PPP2R5A: variants seen among roughly 807,000 people sequenced by gnomAD.
PPP2R5A encodes the protein protein phosphatase 2 regulatory subunit B'alpha.
A neutral mutation model predicts 64.2 loss-of-function variants in PPP2R5A; 25 were observed. That is an observed-to-expected ratio of 0.39 (90% CI 0.28 to 0.54). The LOEUF is 0.54. Ranked by LOEUF, PPP2R5A falls within the 20% of genes least tolerant of loss-of-function variation. The probability of loss-of-function intolerance (pLI) is 0.67; values close to 1 mark genes in which losing one functional copy is unlikely to be tolerated. For synonymous variants in PPP2R5A, 198 were observed against 201.2 expected (o/e 0.98, Z 0.13); for missense variants, 425 against 576.3 (o/e 0.74, Z 2.69).
chr1:212,331,638 T>C (rs1308675021), intron 2 of PPP2R5A: 2 of 152,144 alleles, frequency 1.3e-5, no homozygotes, highest in African/African-American at 2.4e-5. Flanking sequence ...GAAAAAGCAG[T>C]ATTTCCTACT....
At chr1:212,320,725 G>T (rs1448885538) in intron 1 of PPP2R5A, among the ~76,000 whole-genome samples, 7 of 140,362 alleles carry the variant, frequency 5.0e-5, no homozygotes, top group Admixed American at 1.4e-4. Flanking sequence ...CGGCTGGCCG[G>T]GCAGAGGGGC....
intron 1 of PPP2R5A, among the ~76,000 whole-genome samples, chr1:212,300,178 G>A (rs903199215): frequency 1.2e-4 from 19 of 152,076 alleles, no homozygotes; most frequent in African/African-American, 2.2e-4. Flanking sequence ...CCTAGCTGCC[G>A]TATATCTAGT....
chr1:212,327,755 A>G (rs1558148644), intron 1 of PPP2R5A, among the ~76,000 whole-genome samples: 1 of 151,964 alleles, frequency 6.6e-6, no homozygotes, highest in Non-Finnish European at 1.5e-5. Flanking sequence ...TGTATTAGAT[A>G]CTAGAAAGAG....
chr1:212,292,508 T>C (rs1271952608), intron 1 of PPP2R5A, among the ~76,000 whole-genome samples: 2 of 152,184 alleles, frequency 1.3e-5, no homozygotes, highest in African/African-American at 2.4e-5. Context: ...CCCTTTAGAT[T>C]GTGCTGCTTT....
At chr1:212,314,503 C>G (rs947629356) in intron 1 of PPP2R5A, among the ~76,000 whole-genome samples, 1 of 151,710 alleles carries the variant, frequency 6.6e-6, no homozygotes, top group Non-Finnish European at 1.5e-5. Context: ...CTCAAGCAGT[C>G]CTCCCACTTC....
At chr1:212,342,787 A>G (rs751584557) in intron 4 of PPP2R5A, among the ~76,000 whole-genome samples, 2 of 152,022 alleles carry the variant, frequency 1.3e-5, no homozygotes, top group Non-Finnish European at 2.9e-5. Flanking sequence ...CCCAATTCCT[A>G]AACCACAGAT....
At chr1:212,306,826 C>T (rs1440421410) in intron 1 of PPP2R5A, 1 of 151,826 alleles carries the variant, frequency 6.6e-6, no homozygotes, top group Non-Finnish European at 1.5e-5. Context: ...GGCGCGATCT[C>T]CACTCACTGC....
intron 3 of PPP2R5A, among the ~76,000 whole-genome samples, chr1:212,337,966 G>A (rs903816393): frequency 6.6e-6 from 1 of 151,864 alleles, no homozygotes; most frequent in East Asian, 1.9e-4. Flanking sequence ...CCTTATTTAC[G>A]TTTCCTCTTA....
At chr1:212,337,740 T>C (rs1659614130) in intron 3 of PPP2R5A, among the ~76,000 whole-genome samples, 1 of 152,140 alleles carries the variant, frequency 6.6e-6, no homozygotes, top group African/African-American at 2.4e-5. Flanking sequence ...GGAAAAAACC[T>C]AGGCTCCCTG....
intron 2 of PPP2R5A, among the ~76,000 whole-genome samples, chr1:212,331,121 T>C (rs1030443490): frequency 8.7e-5 from 13 of 149,442 alleles, no homozygotes; most frequent in African/African-American, 2.5e-4. Flanking sequence ...TGGGCCAAGA[T>C]TGTGCCACTG....
rs370307816 is a variant in PPP2R5A, at chr1:212,345,971, C to T, written c.704+38C>T. 21 of 1,521,276 alleles carry T rather than the reference C, an allele frequency of 1.4e-5. No homozygotes were observed. The African/African-American group carries it at 2.7e-4, about 19-fold the overall frequency. The allele number at this position is 1,521,276 out of a possible 1,614,324, so 94.2% of individuals were successfully genotyped here. ...TTTATTGTATATTGCACCTTTTCCT[C>T]CTACATATCTTCTTGTATTCAAGTT... On this transcript the variant is annotated intron_variant, in intron 5 of 12. Coordinates refer to ENST00000261461, the MANE Select transcript of PPP2R5A (RefSeq NM_006243.4).
chr1:212,351,113 A>C (rs575436723), intron 8 of PPP2R5A, among the ~76,000 whole-genome samples: 10,349 of 144,644 alleles, frequency 0.072, 1,166 homozygotes, highest in African/African-American at 0.24. Context: ...AAAAAAAAAA[A>C]CAAAAAAACA....
chr1:212,340,780 T>G (rs1037397838), intron 3 of PPP2R5A, among the ~76,000 whole-genome samples: 10 of 152,192 alleles, frequency 6.6e-5, no homozygotes, highest in African/African-American at 2.4e-4. Context: ...CCCCAAACTT[T>G]TGTTAGCTGT....
chr1:212,329,490 T>G (rs1056663848), intron 2 of PPP2R5A, among the ~76,000 whole-genome samples, 159 bp downstream of exon 2: 1 of 152,152 alleles, frequency 6.6e-6, no homozygotes, highest in Non-Finnish European at 1.5e-5. Context: ...ATACCATCAT[T>G]GCATATACAA....
intron 1 of PPP2R5A, among the ~76,000 whole-genome samples, chr1:212,320,969 C>T (rs1426513682): frequency 1.2e-5 from 1 of 85,126 alleles, no homozygotes; most frequent in South Asian, 5.0e-4. Flanking sequence ...CCGGACGGGG[C>T]GGCTGGCCGG....
intron 1 of PPP2R5A, among the ~76,000 whole-genome samples, chr1:212,298,010 G>A (rs1658730239): frequency 2.7e-5 from 1 of 37,354 alleles, no homozygotes; most frequent in Non-Finnish European, 4.7e-5. Flanking sequence ...ATTAGGGAGT[G>A]GTGATGACTC....
intron 3 of PPP2R5A, among the ~76,000 whole-genome samples, chr1:212,337,382 G>A (rs73082467): frequency 0.068 from 10,290 of 152,138 alleles, 1,134 homozygotes; most frequent in African/African-American, 0.23. Flanking sequence ...ATTTAATTAT[G>A]TAGGATAGTG....
intron 1 of PPP2R5A, among the ~76,000 whole-genome samples, chr1:212,302,593 T>C: frequency 6.6e-6 from 1 of 152,232 alleles, no homozygotes; most frequent in East Asian, 1.9e-4. Flanking sequence ...ACAGCTCTAT[T>C]GAGATATAAT....
chr1:212,351,780 A>G (rs1659884077), intron 8 of PPP2R5A, among the ~76,000 whole-genome samples: 1 of 152,126 alleles, frequency 6.6e-6, no homozygotes, highest in Non-Finnish European at 1.5e-5. Context: ...CATTACAGCT[A>G]AGTTTCCATG....
Sources: gnomAD v4.1 joint callset for allele counts (sites outside exome capture counted in the v4.1 genomes callset) on GRCh38, gnomAD v4.1.1 for gene constraint, MANE v1.5 for transcripts, NCBI Gene and HGNC (gene_info 2026-07-23, HGNC 2026-07-21) for gene names.